The following EBF1 variants were observed in gnomAD, a reference collection of about 807,000 sequenced individuals.
EBF1 encodes the protein transcription factor COE1.
A neutral mutation model predicts 68.4 loss-of-function variants in EBF1; 10 were observed. That is an observed-to-expected ratio of 0.15 (90% CI 0.09 to 0.25). EBF1 has a LOEUF of 0.25. Among genes scored for constraint, EBF1 ranks in the 10% least tolerant of loss-of-function variants. The pLI is 1.00. For missense variants in EBF1, 509 were observed against 794.4 expected, an observed-to-expected ratio of 0.64 and a Z score of 4.32; for synonymous variants, 298 against 299.8, an observed-to-expected ratio of 0.99 and a Z score of 0.06.
At chr5:158,903,613 CG>C (rs1417549185) in intron 6 of EBF1, among the ~76,000 whole-genome samples, 2 of 151,836 alleles carry the variant, frequency 1.3e-5, no homozygotes, top group Admixed American at 1.3e-4. Context: ...AAAAAAAAAA[CG>C]CAGTCTGCTA....
chr5:158,930,403 A>G (rs1810607493), intron 6 of EBF1, among the ~76,000 whole-genome samples: 1 of 152,136 alleles, frequency 6.6e-6, no homozygotes, highest in South Asian at 2.1e-4. Context: ...ATGGGTAAAA[A>G]GATGCTCCTC....
intron 6 of EBF1, among the ~76,000 whole-genome samples, chr5:159,024,884 C>T (rs373639941): frequency 3.9e-5 from 6 of 152,270 alleles, no homozygotes; most frequent in African/African-American, 1.4e-4. Flanking sequence ...AGCCATCAAC[C>T]AGTTAAAACT....
intron 6 of EBF1, among the ~76,000 whole-genome samples, chr5:159,001,261 A>G (rs1425334468): frequency 6.6e-6 from 1 of 152,062 alleles, no homozygotes; most frequent in Non-Finnish European, 1.5e-5. Context: ...ATGAGTAAGA[A>G]AGAAATTTTT....
intron 6 of EBF1, among the ~76,000 whole-genome samples, chr5:158,966,104 T>A (rs1754052280): frequency 2.0e-5 from 3 of 152,170 alleles, no homozygotes; most frequent in African/African-American, 4.8e-5. Context: ...TTACACCAAT[T>A]ATTTCTAGAA....
Position 158,826,393 on chromosome 5 carries a change from G to A in EBF1, c.637-3076C>T, listed in dbSNP as rs112329100. Reference sequence around the variant, plus strand: ...CTGAGCCTCAATAGCCACACTGAGCGTTTCATAGCCATAGGCGACTATTGC... The same window carrying A: ...CTGAGCCTCAATAGCCACACTGAGCATTTCATAGCCATAGGCGACTATTGC... On this transcript the variant is annotated intron_variant, in intron 7 of 15. Transcript: ENST00000313708. 2.6e-3 allele frequency among the ~76,000 whole-genome samples: 402 copies of A among 152,250 alleles called. 4 individuals carry two copies. The highest frequency in any genetic ancestry group is 9.2e-3 in the African/African-American group (384 of 41,552).
chr5:158,794,324 C>A (rs1779234836), intron 9 of EBF1, among the ~76,000 whole-genome samples: 1 of 152,112 alleles, frequency 6.6e-6, no homozygotes, highest in East Asian at 1.9e-4. Context: ...CTATGACTTT[C>A]ATCAATTTTG....
chr5:158,782,752 T>C (rs911854611), intron 9 of EBF1, among the ~76,000 whole-genome samples: 2 of 152,168 alleles, frequency 1.3e-5, no homozygotes, highest in African/African-American at 4.8e-5. Context: ...GGAATAAATA[T>C]TTACATAAAT....
intron 11 of EBF1, among the ~76,000 whole-genome samples, chr5:158,724,947 C>T (rs1581345678): frequency 6.6e-6 from 1 of 152,308 alleles, no homozygotes; most frequent in South Asian, 2.1e-4. Context: ...GATAGAGCGA[C>T]AGAGATGCAA....
At chr5:158,873,540 T>C (rs1185239894) in intron 6 of EBF1, among the ~76,000 whole-genome samples, 1 of 152,212 alleles carries the variant, frequency 6.6e-6, no homozygotes, top group African/African-American at 2.4e-5. Context: ...GAATGACACT[T>C]TCCATTCCTA....
chr5:158,736,928 AT>A (rs1162246545), intron 10 of EBF1, among the ~76,000 whole-genome samples: 1 of 152,226 alleles, frequency 6.6e-6, no homozygotes, highest in African/African-American at 2.4e-5. Flanking sequence ...AATTTGTTGC[AT>A]TTCCAGCCAT....
intron 6 of EBF1, among the ~76,000 whole-genome samples, chr5:159,067,762 C>T (rs1777099424): frequency 6.6e-6 from 1 of 152,046 alleles, no homozygotes; most frequent in Non-Finnish European, 1.5e-5. Flanking sequence ...CATATGAATT[C>T]CCACTGAGAA....
chr5:158,830,460 G>A (rs537662398), intron 7 of EBF1, among the ~76,000 whole-genome samples: 236 of 152,194 alleles, frequency 1.6e-3, no homozygotes, highest in African/African-American at 5.6e-3. Flanking sequence ...TAGTAGAGAC[G>A]GTGTTTCACC....
At chr5:158,746,585 A>G (rs1767617358) in intron 10 of EBF1, among the ~76,000 whole-genome samples, 2 of 152,130 alleles carry the variant, frequency 1.3e-5, no homozygotes, top group African/African-American at 4.8e-5. Context: ...AAGTTCCCCA[A>G]ACTGAATCTT....
At chr5:158,857,044 T>A (rs1249210435) in intron 6 of EBF1, among the ~76,000 whole-genome samples, 3 of 152,168 alleles carry the variant, frequency 2.0e-5, no homozygotes, top group Admixed American at 2.0e-4. Context: ...CCTTCCTTTG[T>A]GATCTGGAAC....
At chr5:158,886,867 C>T (rs1027460899) in intron 6 of EBF1, among the ~76,000 whole-genome samples, 4 of 151,968 alleles carry the variant, frequency 2.6e-5, no homozygotes, top group South Asian at 2.1e-4. Context: ...TTGGGTGTGG[C>T]GGCGGGCACG....
chr5:158,885,971 C>T (rs1033736335), intron 6 of EBF1, among the ~76,000 whole-genome samples: 8 of 152,196 alleles, frequency 5.3e-5, no homozygotes, highest in Non-Finnish European at 1.0e-4. Context: ...CCAAGTCTCA[C>T]TCCAAGTACA....
chr5:159,083,074 CA>C (rs1780006371), intron 5 of EBF1, among the ~76,000 whole-genome samples: 1 of 152,164 alleles, frequency 6.6e-6, no homozygotes, highest in African/African-American at 2.4e-5. Context: ...ATATGAGATG[CA>C]AATCTATGAT....
At chr5:158,909,956 T>TAAAAAAAAAA (rs59274919) in intron 6 of EBF1, among the ~76,000 whole-genome samples, 7 of 46,730 alleles carry the variant, frequency 1.5e-4, no homozygotes, top group Admixed American at 2.9e-4. Context: ...ACTCTGTCTA[T>TAAAAAAAAAA]AAAAAAAAAA....
At chr5:159,067,374 A>G (rs1473389861) in intron 6 of EBF1, among the ~76,000 whole-genome samples, 1 of 152,204 alleles carries the variant, frequency 6.6e-6, no homozygotes, top group Non-Finnish European at 1.5e-5. Context: ...TGCTACACAT[A>G]CACACTACTG....
Sources: allele counts gnomAD v4.1 joint callset (sites outside exome capture counted in the v4.1 genomes callset), GRCh38; gene constraint gnomAD v4.1.1; transcripts MANE v1.5; gene names NCBI Gene and HGNC (gene_info 2026-07-23, HGNC 2026-07-21).